Variants in PIBF1 observed in about 807,000 individuals in gnomAD.
PIBF1 encodes progesterone immunomodulatory binding factor 1, also known as progesterone-induced-blocking factor 1.
A neutral mutation model predicts 112.5 loss-of-function variants in PIBF1; 90 were observed. The ratio of observed to expected loss-of-function variants is 0.80; its 90% CI spans 0.67 to 0.95. The LOEUF is 0.95. PIBF1 is among the 40% of genes least tolerant of loss of function. PIBF1 has a pLI of 0.00. For missense variants in PIBF1, 915 were observed against 852.3 expected, an observed-to-expected ratio of 1.07 and a Z score of -0.92; for synonymous variants, 301 against 288.6, an observed-to-expected ratio of 1.04 and a Z score of -0.44.
intron 10 of PIBF1, among the ~76,000 whole-genome samples, chr13:72,882,830 A>G (rs1271493944): frequency 6.6e-6 from 1 of 152,240 alleles, no homozygotes; most frequent in Non-Finnish European, 1.5e-5. Context: ...ACCCTCCTAC[A>G]CTGTTGGTGG....
intron 7 of PIBF1, 21 bp from the exon 8 acceptor site, chr13:72,827,712 T>C (rs773500716): frequency 1.4e-6 from 2 of 1,405,260 alleles, no homozygotes; most frequent in Admixed American, 2.3e-5. Context: ...GTGGATACTT[T>C]TTGTTTCTAC....
At chr13:73,012,748 C>G (rs1467620278) in intron 17 of PIBF1, among the ~76,000 whole-genome samples, 4 of 142,730 alleles carry the variant, frequency 2.8e-5, no homozygotes, top group Admixed American at 1.4e-4. Flanking sequence ...GAGCAAGACC[C>G]TGTCTCCACC....
Position 72,989,603 on chromosome 13 carries a change from G to A in PIBF1, c.2050-9219G>A, listed in dbSNP as rs149626115. ...GAGTGATGGGGGCATGGCAGGATAG[G>A]AGGGTATAGTTAAAGCAATCAGAGT... is the stretch of plus-strand genomic sequence containing the variant. On this transcript the variant is annotated intron_variant, in intron 16 of 17. Transcript: ENST00000326291. Among the ~76,000 whole-genome samples, 396 of 152,306 alleles carry A rather than the reference G, an allele frequency of 2.6e-3. 4 individuals are homozygous for A. Among genetic ancestry groups the A allele is most frequent in the African/African-American group, 8.6e-3 (359 of 41,566 alleles).
rs1351880645 is a variant in PIBF1 at position 72,987,845 on chromosome 13, TATTTATTTATTTA to T, written c.2050-10976_2050-10964del. ...TTTTTTTTATTTTTTGTAATTTATT[TATTTATTTATTTA>T]TTTTTTTTTTTTTTTTTTTTTTTGA... On this transcript the variant is annotated intron_variant, in intron 16 of 17. Coordinates refer to ENST00000326291, the MANE Select transcript of PIBF1 (RefSeq NM_006346.4). Among the ~76,000 whole-genome samples, 728 of 88,874 alleles carry T rather than the reference TATTTATTTATTTA, an allele frequency of 8.2e-3. 9 individuals carry two copies. The highest frequency in any genetic ancestry group is 0.013 in the Admixed American group (88 of 6,528). The allele number at this position is 88,874 out of a possible 152,430, so 58.3% of individuals were successfully genotyped here.
intron 5 of PIBF1, among the ~76,000 whole-genome samples, chr13:72,810,930 T>C (rs2035977626): frequency 6.6e-6 from 1 of 152,018 alleles, no homozygotes; most frequent in South Asian, 2.1e-4. Context: ...AATATAGGCT[T>C]ACTGCAAGCT....
At chr13:72,924,748 A>G (rs1196847076) in intron 13 of PIBF1, among the ~76,000 whole-genome samples, 1 of 152,018 alleles carries the variant, frequency 6.6e-6, no homozygotes, top group Non-Finnish European at 1.5e-5. Flanking sequence ...TTAAGTACCT[A>G]CTCTGATAAG....
chr13:72,904,433 C>T (rs1221135815), intron 11 of PIBF1, among the ~76,000 whole-genome samples: 475 of 36,520 alleles, frequency 0.013, 1 homozygote, highest in South Asian at 0.028. Context: ...CAAAATATTT[C>T]TTTTTTTTTT....
At chr13:72,810,981 C>T (rs9573038) in intron 5 of PIBF1, among the ~76,000 whole-genome samples, 90,620 of 151,778 alleles carry the variant, frequency 0.6, 27,701 homozygotes, top group East Asian at 0.76. Flanking sequence ...CTCAGCCTCC[C>T]GAGTAGCTGG....
intron 6 of PIBF1, among the ~76,000 whole-genome samples, chr13:72,823,947 T>C (rs964988311): frequency 2.0e-5 from 3 of 152,116 alleles, no homozygotes; most frequent in Non-Finnish European, 4.4e-5. Flanking sequence ...TTCTAGGCCC[T>C]TTGAGTAGGC....
chr13:72,987,858 A>ATTTATTTTTTT (rs1345167411), intron 16 of PIBF1, among the ~76,000 whole-genome samples: 6 of 58,122 alleles, frequency 1.0e-4, no homozygotes, highest in African/African-American at 4.7e-4. Flanking sequence ...TTATTTATTT[A>ATTTATTTTTTT]TTTTTTTTTT....
chr13:72,928,869 C>T (rs9573067), intron 13 of PIBF1, among the ~76,000 whole-genome samples: 111,706 of 152,150 alleles, frequency 0.73, 41,307 homozygotes, highest in South Asian at 0.81. Flanking sequence ...AACAATTTAA[C>T]ATTATTAAAC....
intron 14 of PIBF1, among the ~76,000 whole-genome samples, chr13:72,953,013 A>G (rs909312204): frequency 6.6e-6 from 1 of 152,178 alleles, no homozygotes; most frequent in African/African-American, 2.4e-5. Flanking sequence ...GCCATACTTA[A>G]TAGTGAGCAG....
intron 10 of PIBF1, among the ~76,000 whole-genome samples, chr13:72,887,951 T>C (rs1380865153): frequency 1.3e-5 from 2 of 152,188 alleles, no homozygotes; most frequent in Non-Finnish European, 2.9e-5. Flanking sequence ...GTCAATACAG[T>C]AGAAGCCCGT....
intron 10 of PIBF1, among the ~76,000 whole-genome samples, chr13:72,867,412 G>A (rs1034824304): frequency 3.9e-5 from 6 of 152,120 alleles, no homozygotes; most frequent in Non-Finnish European, 8.8e-5. Flanking sequence ...AGAATTAAAT[G>A]AAATTCTTTA....
At chr13:72,901,463 C>T (rs1246257762) in intron 11 of PIBF1, among the ~76,000 whole-genome samples, 1 of 152,030 alleles carries the variant, frequency 6.6e-6, no homozygotes, top group Non-Finnish European at 1.5e-5. Context: ...CCGAGGCAGG[C>T]GGATCACCTG....
At chr13:72,849,454 A>C (rs1483014851) in intron 9 of PIBF1, among the ~76,000 whole-genome samples, 2 of 152,126 alleles carry the variant, frequency 1.3e-5, no homozygotes, top group Non-Finnish European at 2.9e-5. Flanking sequence ...TTTCTGTTAT[A>C]TTTTCTAATG....
intron 16 of PIBF1, among the ~76,000 whole-genome samples, chr13:72,985,371 C>CAAA (rs67195605): frequency 0.018 from 1,405 of 76,210 alleles, 53 homozygotes; most frequent in African/African-American, 0.028. Flanking sequence ...ACTAAAAATA[C>CAAA]AAAAAAAAAA....
intron 14 of PIBF1, among the ~76,000 whole-genome samples, chr13:72,953,934 T>C (rs1186541905): frequency 2.0e-5 from 3 of 152,090 alleles, no homozygotes; most frequent in Non-Finnish European, 4.4e-5. Flanking sequence ...TGTGTTATGC[T>C]ACCAGGGCTC....
At chr13:72,809,451 A>G (rs1379974220) in intron 5 of PIBF1, among the ~76,000 whole-genome samples, 4 of 149,524 alleles carry the variant, frequency 2.7e-5, no homozygotes, top group Non-Finnish European at 5.9e-5. Context: ...TGTTAAAACC[A>G]AAAACATTCA....
Sources: gnomAD v4.1 joint callset for allele counts (sites outside exome capture counted in the v4.1 genomes callset) on GRCh38, gnomAD v4.1.1 for gene constraint, MANE v1.5 for transcripts, NCBI Gene and HGNC (gene_info 2026-07-23, HGNC 2026-07-21) for gene names.